Variants in CFAP221 observed in about 807,000 individuals in gnomAD.
The protein encoded by CFAP221 is cilia- and flagella-associated protein 221.
Under a neutral mutation model 113.1 loss-of-function variants are expected in CFAP221, and 97 were observed. That is an observed-to-expected ratio of 0.86 (90% CI 0.73 to 1.02). The LOEUF (loss-of-function observed/expected upper bound fraction) is 1.02, where lower values mean the gene tolerates loss of function less well. Ranked by LOEUF, CFAP221 falls within the 50% of genes least tolerant of loss-of-function variation. The pLI is 0.00. For synonymous variants in CFAP221, 331 were observed against 354.4 expected, an observed-to-expected ratio of 0.93 and a Z score of 0.74; for missense variants, 1,025 against 1,013.4, an observed-to-expected ratio of 1.01 and a Z score of -0.16.
chr2:119,598,982 CTATTT>C (rs1417489605), intron 7 of CFAP221, among the ~76,000 whole-genome samples: 1 of 152,080 alleles, frequency 6.6e-6, no homozygotes, highest in African/African-American at 2.4e-5. Context: ...TTAAAGGGGG[CTATTT>C]TCTGACCAAG....
chr2:119,646,831 A>T (rs1157108766), intron 21 of CFAP221, 127 bp from the exon 22 acceptor site: 1 of 711,170 alleles, frequency 1.4e-6, no homozygotes, highest in Non-Finnish European at 2.2e-6. Flanking sequence ...GCTTTTCAAG[A>T]GTGAGGGAGG....
At chr2:119,545,219 A>T (rs1679969669) in intron 1 of CFAP221, 1 of 152,382 alleles carries the variant, frequency 6.6e-6, no homozygotes, top group East Asian at 1.9e-4. Context: ...ACTAATTAAC[A>T]TTCCATTTCA....
In CFAP221 at chr2:119,638,366, C is replaced by G; in HGVS notation, c.2082C>G (p.Ser694=). 3 of 1,614,142 alleles carry G rather than the reference C, an allele frequency of 1.9e-6. No homozygotes were observed. The highest frequency in any genetic ancestry group is 2.5e-6 in the Non-Finnish European group (3 of 1,180,018). Reference sequence around the variant, plus strand: ...CCAAGTACAAATTCACCAAAGAGTCCCGCCACGGGTCCAGCATTCCTGTCA... The same window carrying G: ...CCAAGTACAAATTCACCAAAGAGTCGCGCCACGGGTCCAGCATTCCTGTCA... The part of the protein sequence containing the change: ...SHPKYKFTKE[S]RHGSSIPVTQ... Residue 694 remains serine, a synonymous_variant, in exon 20 of 24, where the codon TCC becomes TCG. Coordinates refer to ENST00000413369, the MANE Select transcript of CFAP221 (RefSeq NM_001271049.2).
At chr2:119,547,121 T>C (rs1377925403) in intron 2 of CFAP221, among the ~76,000 whole-genome samples, 1 of 152,184 alleles carries the variant, frequency 6.6e-6, no homozygotes, top group Non-Finnish European at 1.5e-5. Flanking sequence ...GAGGACATAA[T>C]AGTGTATTTG....
Position 119,562,677 on chromosome 2 carries a change from T to C in CFAP221, c.527+563T>C, listed in dbSNP as rs115970876. Among the ~76,000 whole-genome samples, 316 of 152,342 alleles carry C rather than the reference T, an allele frequency of 2.1e-3. 2 individuals are homozygous for C. The highest frequency in any genetic ancestry group is 7.4e-3 in the African/African-American group (309 of 41,580). Reference sequence around the variant, plus strand: ...CCAATGCTCAGATTCTCTCCTTTTTTTGGTGAATGATTCCAATGTAATTTA... The same window carrying C: ...CCAATGCTCAGATTCTCTCCTTTTTCTGGTGAATGATTCCAATGTAATTTA... On this transcript the variant is annotated intron_variant, in intron 6 of 23. Transcript: ENST00000413369.
chr2:119,611,752 T>C lies in CFAP221; in HGVS notation c.1311+10T>C, dbSNP rs1425817485. On this transcript the variant is annotated intron_variant, in intron 13 of 23. Transcript: ENST00000413369. ...TCGCAATCAAGAAGAGGTGGGTAACTTTCCTTTATTTAGAATCTGATTATT... is the reference window on the plus strand; with the variant it reads ...TCGCAATCAAGAAGAGGTGGGTAACCTTCCTTTATTTAGAATCTGATTATT... 4 of 1,594,052 alleles carry C rather than the reference T, an allele frequency of 2.5e-6. No individual in the cohort carries two copies. The African/African-American group carries it at 4.0e-5, about 16-fold the overall frequency.
chr2:119,550,319 A>G (rs1417001048), intron 3 of CFAP221, among the ~76,000 whole-genome samples: 1 of 152,218 alleles, frequency 6.6e-6, no homozygotes, highest in Non-Finnish European at 1.5e-5. Flanking sequence ...GACAAATAGT[A>G]AAGGTATCGG....
chr2:119,610,281 G>T (rs1190756791), intron 12 of CFAP221, among the ~76,000 whole-genome samples: 2 of 152,246 alleles, frequency 1.3e-5, no homozygotes, highest in South Asian at 2.1e-4. Context: ...ACCCCATTCT[G>T]TGTGTCCAGG....
At chr2:119,595,621 C>A (rs1414062713) in intron 7 of CFAP221, among the ~76,000 whole-genome samples, 2 of 152,080 alleles carry the variant, frequency 1.3e-5, no homozygotes, top group Non-Finnish European at 2.9e-5. Context: ...GGGCATCAGA[C>A]ACTGGTATAG....
intron 16 of CFAP221, among the ~76,000 whole-genome samples, chr2:119,628,431 G>A (rs867621159): frequency 1.3e-5 from 2 of 151,940 alleles, no homozygotes; most frequent in African/African-American, 4.8e-5. Flanking sequence ...TTAACCCTTA[G>A]GTTGTATTTA....
At chr2:119,629,292 C>T (rs1686594482) in intron 16 of CFAP221, among the ~76,000 whole-genome samples, 3 of 152,082 alleles carry the variant, frequency 2.0e-5, no homozygotes, top group South Asian at 4.1e-4. Flanking sequence ...GGCAGTTCTT[C>T]GGGGGTTCAC....
At chr2:119,552,124 C>A (rs996059553) in intron 3 of CFAP221, among the ~76,000 whole-genome samples, 4 of 140,906 alleles carry the variant, frequency 2.8e-5, no homozygotes, top group African/African-American at 1.1e-4. Context: ...CAACATAACA[C>A]TTTTGGGTCA....
chr2:119,604,559 G>C, intron 8 of CFAP221, 113 bp from the exon 9 acceptor site: 1 of 981,374 alleles, frequency 1.0e-6, no homozygotes, highest in Non-Finnish European at 1.4e-6. Context: ...TTTATTTTCA[G>C]TTTAGGTATA....
rs926606903 is a variant in CFAP221 at position 119,606,386 on chromosome 2, C to T, written c.1133+1097C>T. 5.3e-5 allele frequency among the ~76,000 whole-genome samples: 8 copies of T among 152,204 alleles called. No homozygotes were observed. The South Asian group carries it at 1.7e-3, about 32-fold the overall frequency. ...ATGACCCAGCCTCCACCCTTCCCGACACATGAGAACACGCCCTCACCTGAA... is the reference window on the plus strand; with the variant it reads ...ATGACCCAGCCTCCACCCTTCCCGATACATGAGAACACGCCCTCACCTGAA... On this transcript the variant is annotated intron_variant, in intron 11 of 23. Coordinates refer to ENST00000413369, the MANE Select transcript of CFAP221 (RefSeq NM_001271049.2).
At chr2:119,576,686 A>G (rs1279301816) in intron 6 of CFAP221, among the ~76,000 whole-genome samples, 4 of 152,198 alleles carry the variant, frequency 2.6e-5, no homozygotes, top group Non-Finnish European at 5.9e-5. Flanking sequence ...TCCCAGTGAG[A>G]TTGATTGTGT....
chr2:119,629,831 G>T (rs199761844), intron 16 of CFAP221, 44 bp from the exon 17 acceptor site: 608 of 1,446,262 alleles, frequency 4.2e-4, no homozygotes, highest in Middle Eastern at 3.0e-3. Flanking sequence ...AGCCACTCTT[G>T]CTCAGTGGTG....
At chr2:119,570,696 A>G (rs983974397) in intron 6 of CFAP221, among the ~76,000 whole-genome samples, 1 of 152,238 alleles carries the variant, frequency 6.6e-6, no homozygotes, top group Non-Finnish European at 1.5e-5. Flanking sequence ...TAGCTTATCC[A>G]ACTCAAATCA....
chr2:119,553,131 G>A (rs781339821), intron 3 of CFAP221, among the ~76,000 whole-genome samples: 8 of 152,196 alleles, frequency 5.3e-5, no homozygotes, highest in Non-Finnish European at 1.5e-5. Context: ...AAGGTGGCAT[G>A]AGGAAGTCCA....
intron 23 of CFAP221, 36 bp downstream of exon 23, chr2:119,652,105 T>C (rs1469044008): frequency 1.3e-6 from 2 of 1,533,632 alleles, no homozygotes; most frequent in Admixed American, 1.7e-5. Context: ...TAAAAGGTAA[T>C]CTTGGATGAA....
Sources: gnomAD v4.1 joint callset for allele counts (sites outside exome capture counted in the v4.1 genomes callset) on GRCh38, gnomAD v4.1.1 for gene constraint, MANE v1.5 for transcripts, NCBI Gene and HGNC (gene_info 2026-07-23, HGNC 2026-07-21) for gene names.